Variants in STK39 observed in about 807,000 individuals in gnomAD.
STK39 encodes the protein serine/threonine kinase 39.
In STK39, 20 loss-of-function variants were observed where a neutral mutation model predicts 77.8. The observed-to-expected ratio is 0.26, with a 90% CI of 0.18 to 0.37. The LOEUF (loss-of-function observed/expected upper bound fraction) is 0.37, where lower values mean the gene tolerates loss of function less well. Ranked by LOEUF, STK39 falls within the 10% of genes least tolerant of loss-of-function variation. The probability of loss-of-function intolerance (pLI) is 1.00; values close to 1 mark genes in which losing one functional copy is unlikely to be tolerated. For synonymous variants in STK39, 246 were observed against 234.1 expected, an observed-to-expected ratio of 1.05 and a Z score of -0.47; for missense variants, 479 against 656.5, an observed-to-expected ratio of 0.73 and a Z score of 2.95.
At chr2:167,956,690 ACACACACTCTCT>A (rs1210382333) in intron 17 of STK39, among the ~76,000 whole-genome samples, 36 of 45,920 alleles carry the variant, frequency 7.8e-4, no homozygotes, top group Admixed American at 1.5e-3. Context: ...ACACACACAC[ACACACACTCTCT>A]CTCTCTCTCT....
chr2:168,194,979 G>C (rs1689432180), intron 1 of STK39, among the ~76,000 whole-genome samples: 1 of 152,152 alleles, frequency 6.6e-6, no homozygotes, highest in Non-Finnish European at 1.5e-5. Flanking sequence ...GCTTAGGATA[G>C]CATGAGTTTC....
chr2:168,099,240 T>TG (rs1318203296), intron 10 of STK39, among the ~76,000 whole-genome samples: 2 of 152,194 alleles, frequency 1.3e-5, no homozygotes, highest in Non-Finnish European at 1.5e-5. Flanking sequence ...AGCCAATAAG[T>TG]GATGGGGTGA....
At chr2:168,105,194 C>T (rs12692874) in intron 10 of STK39, among the ~76,000 whole-genome samples, 111,111 of 152,094 alleles carry the variant, frequency 0.73, 41,080 homozygotes, top group Non-Finnish European at 0.79. Flanking sequence ...TAACCTCTAG[C>T]TTTTGCCTGA....
intron 14 of STK39, among the ~76,000 whole-genome samples, chr2:168,021,371 GTGAT>G (rs1373938337): frequency 6.6e-6 from 1 of 152,144 alleles, no homozygotes; most frequent in African/African-American, 2.4e-5. Flanking sequence ...AAAGATCACA[GTGAT>G]TGATTGTGAG....
intron 15 of STK39, among the ~76,000 whole-genome samples, chr2:168,013,543 T>G (rs1335128067): frequency 6.6e-6 from 1 of 152,234 alleles, no homozygotes; most frequent in East Asian, 1.9e-4. Flanking sequence ...CCCCAGGGAC[T>G]TCAGATATTC....
chr2:167,956,698 T>TCACACA (rs1559032284), intron 17 of STK39, among the ~76,000 whole-genome samples: 4 of 71,882 alleles, frequency 5.6e-5, no homozygotes, highest in East Asian at 3.6e-4. Context: ...ACACACACAC[T>TCACACA]CTCTCTCTCT....
intron 16 of STK39, among the ~76,000 whole-genome samples, chr2:168,000,388 G>A (rs965494317): frequency 2.0e-4 from 31 of 152,226 alleles, no homozygotes; most frequent in African/African-American, 7.2e-4. Flanking sequence ...AAGAAATCCT[G>A]AGAGCTCCAG....
intron 17 of STK39, among the ~76,000 whole-genome samples, chr2:167,962,914 C>G (rs1206233734): frequency 6.6e-6 from 1 of 152,102 alleles, no homozygotes; most frequent in African/African-American, 2.4e-5. Flanking sequence ...GCCCGAGGTT[C>G]CCGAGATGTG....
intron 14 of STK39, among the ~76,000 whole-genome samples, chr2:168,054,161 G>C (rs1472244192): frequency 6.6e-6 from 1 of 152,214 alleles, no homozygotes; most frequent in Admixed American, 6.5e-5. Flanking sequence ...TGGGAAGACA[G>C]GTAAATGTAA....
At chr2:168,019,906 T>C (rs962368139) in intron 14 of STK39, among the ~76,000 whole-genome samples, 9 of 152,228 alleles carry the variant, frequency 5.9e-5, no homozygotes, top group African/African-American at 2.2e-4. Context: ...GGTTTCACCA[T>C]GTTGGCCAGG....
chr2:168,004,639 A>C (rs929488711), intron 16 of STK39, among the ~76,000 whole-genome samples: 1 of 151,426 alleles, frequency 6.6e-6, no homozygotes, highest in Non-Finnish European at 1.5e-5. Flanking sequence ...AGGCTGAGGC[A>C]GGAGAATGGT....
intron 10 of STK39, among the ~76,000 whole-genome samples, chr2:168,115,253 A>G (rs1687228617): frequency 6.6e-6 from 1 of 152,208 alleles, no homozygotes; most frequent in African/African-American, 2.4e-5. Context: ...AATATTAAAT[A>G]CCATATGCTA....
chr2:168,240,268 C>T (rs1041243254), intron 1 of STK39, among the ~76,000 whole-genome samples: 23 of 152,186 alleles, frequency 1.5e-4, no homozygotes, highest in Non-Finnish European at 2.8e-4. Flanking sequence ...AAACACTGTG[C>T]TTCAAATTAA....
intron 2 of STK39, among the ~76,000 whole-genome samples, chr2:168,180,725 T>C (rs1249272687): frequency 4.0e-5 from 6 of 149,496 alleles, no homozygotes; most frequent in Non-Finnish European, 2.9e-5. Context: ...ACAAGTAGCA[T>C]GCAGCAGGAA....
At chr2:168,159,614 A>T (rs1688519147) in intron 5 of STK39, among the ~76,000 whole-genome samples, 1 of 152,228 alleles carries the variant, frequency 6.6e-6, no homozygotes. Flanking sequence ...GGATGTTATG[A>T]TCAGGTCAGA....
chr2:167,963,046 T>C (rs994872778), intron 17 of STK39, among the ~76,000 whole-genome samples: 2 of 152,198 alleles, frequency 1.3e-5, no homozygotes, highest in African/African-American at 4.8e-5. Flanking sequence ...ACACTGTGTC[T>C]ACCACATTTT....
At chr2:168,042,921 T>A (rs902302801) in intron 14 of STK39, among the ~76,000 whole-genome samples, 3 of 152,044 alleles carry the variant, frequency 2.0e-5, no homozygotes, top group Non-Finnish European at 4.4e-5. Context: ...CATAGATGGG[T>A]TTCTGGGGAT....
At chr2:168,008,965 A>C (rs1574387640) in intron 16 of STK39, among the ~76,000 whole-genome samples, 1 of 151,984 alleles carries the variant, frequency 6.6e-6, no homozygotes, top group Admixed American at 6.6e-5. Context: ...TTCTCCCCTC[A>C]CTCCAGCCAC....
intron 14 of STK39, among the ~76,000 whole-genome samples, chr2:168,049,646 TA>T (rs1214127945): frequency 1.3e-5 from 2 of 152,138 alleles, no homozygotes; most frequent in Middle Eastern, 3.2e-3. Flanking sequence ...TTGTCAGAAG[TA>T]AAAGAAACAA....
Sources: allele counts gnomAD v4.1 joint callset (sites outside exome capture counted in the v4.1 genomes callset), GRCh38; gene constraint gnomAD v4.1.1; transcripts MANE v1.5; gene names NCBI Gene and HGNC (gene_info 2026-07-23, HGNC 2026-07-21).